Variants in DCLK1 observed in about 807,000 individuals in gnomAD.
DCLK1 encodes the protein doublecortin like kinase 1.
Under a neutral mutation model 86.2 loss-of-function variants are expected in DCLK1, and 16 were observed. The ratio of observed to expected loss-of-function variants is 0.19; its 90% CI spans 0.13 to 0.28. The LOEUF (loss-of-function observed/expected upper bound fraction) is 0.28. DCLK1 is among the 10% of genes least tolerant of loss of function. DCLK1 has a pLI of 1.00. For missense variants in DCLK1, 590 were observed against 940.2 expected (o/e 0.63, Z 4.87); for synonymous variants, 369 against 370.5 (o/e 1.00, Z 0.05).
intron 3 of DCLK1, among the ~76,000 whole-genome samples, chr13:36,008,208 T>C (rs1230596885): frequency 5.9e-4 from 6 of 10,166 alleles, no homozygotes; most frequent in Non-Finnish European, 1.4e-3. Flanking sequence ...ATTTTATTAT[T>C]ATTATTATTA....
rs1405435012 is a variant in DCLK1, at chr13:36,131,209, GGGGCTGCA to G, written c.-123_-116del. On this transcript the variant is annotated 5_prime_UTR_variant, in exon 1 of 17. Transcript: ENST00000360631. The stretch of plus-strand genomic sequence containing the variant: ...CCGGGCTGGGCGCGGCCGGGGCTGC[GGGGCTGCA>G]GGGCTGGGGGGCGGCGGCGGGGCCG... The G allele has an allele frequency of 6.6e-6, 1 of 152,606 alleles. No individual in the cohort carries two copies. Among genetic ancestry groups the G allele is most frequent in the Non-Finnish European group, 1.5e-5 (1 of 68,518 alleles). 9.5% of individuals were successfully genotyped at this position (152,606 alleles called of 1,614,324 possible).
intron 14 of DCLK1, among the ~76,000 whole-genome samples, chr13:35,806,627 G>A (rs2087033345): frequency 6.6e-6 from 1 of 152,218 alleles, no homozygotes; most frequent in Non-Finnish European, 1.5e-5. Flanking sequence ...CATTGAGGGA[G>A]AGAGTTCACT....
intron 3 of DCLK1, among the ~76,000 whole-genome samples, chr13:36,015,724 C>T (rs1460918519): frequency 1.3e-5 from 2 of 152,154 alleles, no homozygotes; most frequent in African/African-American, 4.8e-5. Context: ...CTTTCTTTCA[C>T]CACCCACACC....
intron 16 of DCLK1, among the ~76,000 whole-genome samples, chr13:35,778,637 A>G (rs2086468595): frequency 6.6e-6 from 1 of 152,172 alleles, no homozygotes; most frequent in South Asian, 2.1e-4. Context: ...CTTCACATTT[A>G]TAATGAATCC....
At chr13:36,015,435 A>T (rs1221867529) in intron 3 of DCLK1, among the ~76,000 whole-genome samples, 1 of 152,080 alleles carries the variant, frequency 6.6e-6, no homozygotes, top group African/African-American at 2.4e-5. Context: ...CCAATGGGGG[A>T]GTTCTGGTGT....
chr13:35,788,168 C>T (rs368165960), intron 16 of DCLK1: 38 of 1,586,488 alleles, frequency 2.4e-5, no homozygotes, highest in Non-Finnish European at 3.1e-5. Context: ...ACTGCCAGCA[C>T]GTTGCCATGG....
At chr13:35,827,496 G>A in intron 10 of DCLK1, 139 bp downstream of exon 10, 1 of 1,057,270 alleles carries the variant, frequency 9.5e-7, no homozygotes, top group Non-Finnish European at 1.3e-6. Flanking sequence ...CCATTCTCCT[G>A]TGAACATTCC....
chr13:35,862,282 C>T (rs761381176), intron 5 of DCLK1, among the ~76,000 whole-genome samples: 1 of 152,172 alleles, frequency 6.6e-6, no homozygotes. Flanking sequence ...ATGTCTAAAA[C>T]GAAACTCATT....
rs1010935031 is a variant in DCLK1, at chr13:35,876,799, C to G, written c.824-5459G>C. 1.2e-4 allele frequency among the ~76,000 whole-genome samples: 18 copies of G among 152,174 alleles called. 1 individual carries two copies. The highest frequency in any genetic ancestry group is 2.6e-4 in the Admixed American group (4 of 15,278). On this transcript the variant is annotated intron_variant, in intron 4 of 16. Transcript: ENST00000360631. ...TCTTTACTCTGATGTTTCTTGGCAC[C>G]CCTATATTTCACTGACCAATTCTCT...
intron 3 of DCLK1, among the ~76,000 whole-genome samples, chr13:36,097,065 T>TTC (rs140329201): frequency 0.16 from 24,989 of 152,114 alleles, 2,272 homozygotes; most frequent in Non-Finnish European, 0.21. Context: ...GAGGCTACAG[T>TTC]TACAGGTTAA....
chr13:36,016,100 C>G (rs558030188), intron 3 of DCLK1, among the ~76,000 whole-genome samples: 1 of 152,208 alleles, frequency 6.6e-6, no homozygotes, highest in East Asian at 1.9e-4. Context: ...ATATAAACAA[C>G]CAGATCAATT....
At chr13:35,887,196 A>G (rs1873323090) in intron 4 of DCLK1, among the ~76,000 whole-genome samples, 1 of 152,236 alleles carries the variant, frequency 6.6e-6, no homozygotes, top group Non-Finnish European at 1.5e-5. Flanking sequence ...GCTTGGGGAA[A>G]TTACAGGTGA....
intron 3 of DCLK1, among the ~76,000 whole-genome samples, chr13:35,961,859 A>G (rs1878479863): frequency 6.6e-6 from 1 of 152,246 alleles, no homozygotes; most frequent in African/African-American, 2.4e-5. Context: ...ACAAGTTTTA[A>G]GTCTGACTTT....
At chr13:36,042,087 A>G (rs1275984598) in intron 3 of DCLK1, among the ~76,000 whole-genome samples, 1 of 152,164 alleles carries the variant, frequency 6.6e-6, no homozygotes, top group Non-Finnish European at 1.5e-5. Context: ...GCTTTGCTTC[A>G]GTGGCTCAGG....
intron 3 of DCLK1, among the ~76,000 whole-genome samples, chr13:35,996,294 G>A (rs887056473): frequency 4.6e-5 from 7 of 152,238 alleles, no homozygotes; most frequent in East Asian, 1.9e-4. Flanking sequence ...AAGGCCTCCC[G>A]TCTTCATCAT....
intron 3 of DCLK1, among the ~76,000 whole-genome samples, chr13:35,950,470 G>A (rs1246107635): frequency 1.3e-5 from 2 of 152,168 alleles, no homozygotes; most frequent in Non-Finnish European, 2.9e-5. Flanking sequence ...GAAAACCAGT[G>A]TTTCGCACAA....
chr13:35,910,606 T>G (rs1290521466), intron 4 of DCLK1, among the ~76,000 whole-genome samples: 1 of 152,232 alleles, frequency 6.6e-6, no homozygotes, highest in Non-Finnish European at 1.5e-5. Flanking sequence ...ACCAAATCCC[T>G]TCCCAATCCC....
At chr13:35,820,749 G>C (rs1179937675) in intron 11 of DCLK1, among the ~76,000 whole-genome samples, 1 of 152,174 alleles carries the variant, frequency 6.6e-6, no homozygotes, top group Non-Finnish European at 1.5e-5. Context: ...GAAAATTGCT[G>C]CAGTTGATGG....
At chr13:35,982,407 AGG>A (rs1335523599) in intron 3 of DCLK1, among the ~76,000 whole-genome samples, 1 of 96,024 alleles carries the variant, frequency 1.0e-5, no homozygotes, top group South Asian at 5.3e-4. Context: ...AAGAAAAGAA[AGG>A]GAGAGAGAGA....
Sources: allele counts gnomAD v4.1 joint callset (sites outside exome capture counted in the v4.1 genomes callset), GRCh38; gene constraint gnomAD v4.1.1; transcripts MANE v1.5; gene names NCBI Gene and HGNC (gene_info 2026-07-23, HGNC 2026-07-21).